Variants in ODR4 observed in about 807,000 individuals in gnomAD.
ODR4 encodes odr-4 GPCR localization factor homolog.
A neutral mutation model predicts 60.2 loss-of-function variants in ODR4; 47 were observed. The observed-to-expected ratio is 0.78, with a 90% CI of 0.62 to 1.00. The LOEUF (loss-of-function observed/expected upper bound fraction) is 1.00. ODR4 is among the 50% of genes least tolerant of loss of function. ODR4 has a pLI of 0.00. For missense variants in ODR4, 488 were observed against 530.8 expected, an observed-to-expected ratio of 0.92 and a Z score of 0.79; for synonymous variants, 178 against 175.5, an observed-to-expected ratio of 1.01 and a Z score of -0.11.
At chr1:186,433,227 A>G in the ODR4 span, among the ~76,000 whole-genome samples, 2 of 152,072 alleles carry the variant, frequency 1.3e-5, no homozygotes, top group Non-Finnish European at 2.9e-5. Flanking sequence ...TTGGAAACTC[A>G]GGCCATTTGT....
chr1:186,421,482 A>T (rs969251624), downstream of ODR4: 14 of 152,174 alleles, frequency 9.2e-5, no homozygotes, highest in Non-Finnish European at 1.8e-4. Context: ...TTTATTCAGA[A>T]AACTGGTTAA....
At chr1:186,386,663 G>A (rs552018809) in intron 4 of ODR4, among the ~76,000 whole-genome samples, 1 of 152,160 alleles carries the variant, frequency 6.6e-6, no homozygotes, top group South Asian at 2.1e-4. Flanking sequence ...TGACTATTAG[G>A]AAACAAATTA....
Position 186,405,788 on chromosome 1 carries a change from G to A in ODR4, c.1001-295G>A, listed in dbSNP as rs948902412. The stretch of plus-strand genomic sequence containing the variant: ...GTTGGTCTCCAACTCCTGACCTCAA[G>A]TGATCTGCCCACCTCAGCCTCCCAA... On this transcript the variant is annotated intron_variant, in intron 11 of 13. Coordinates refer to ENST00000287859, the MANE Select transcript of ODR4 (RefSeq NM_017847.6). Among the ~76,000 whole-genome samples the A allele has an allele frequency of 2.6e-5, 4 of 152,106 alleles. 1 individual carries two copies. The highest frequency in any genetic ancestry group is 2.6e-4 in the Admixed American group (4 of 15,274).
chr1:186,428,970 A>G, the ODR4 span, among the ~76,000 whole-genome samples: 14 of 152,084 alleles, frequency 9.2e-5, no homozygotes, highest in Non-Finnish European at 1.9e-4. Context: ...AAGGCTGGGC[A>G]TGGTGGCTCA....
In ODR4 at chr1:186,386,037, T is replaced by C. The variant is rs942959169; in HGVS notation, c.284T>C (p.Ile95Thr). The C allele has an allele frequency of 3.1e-6, 5 of 1,606,076 alleles. No homozygotes were observed. The highest frequency in any genetic ancestry group is 1.7e-4 in the Middle Eastern group (1 of 6,028). ...CTTTTAGTTCTTGGAGTATTTATTA[T>C]TACTACTTTAGAACTGGCAAATGAT... is the stretch of plus-strand genomic sequence containing the variant. ...GGLLVLGVFI[I>T]TTLELANDFQ... Residue 95 changes from isoleucine to threonine, a missense_variant, in exon 4 of 14, where the codon ATT becomes ACT. Ile to Thr is a moderately conservative substitution (Grantham distance 89, BLOSUM62 -1). Coordinates refer to ENST00000287859, the MANE Select transcript of ODR4 (RefSeq NM_017847.6).
intron 2 of ODR4, among the ~76,000 whole-genome samples, chr1:186,382,759 T>A (rs1440524017): frequency 1.3e-5 from 2 of 152,224 alleles, no homozygotes; most frequent in African/African-American, 4.8e-5. Flanking sequence ...ACTCCATGAT[T>A]TACATTTGAG....
chr1:186,414,502 T>C (rs1661485103), intron 12 of ODR4, among the ~76,000 whole-genome samples: 1 of 151,112 alleles, frequency 6.6e-6, no homozygotes, highest in South Asian at 2.1e-4. Context: ...TTGGCCCAAA[T>C]ATGGGGGAAA....
chr1:186,433,051 T>C, the ODR4 span, among the ~76,000 whole-genome samples: 1 of 152,160 alleles, frequency 6.6e-6, no homozygotes, highest in African/African-American at 2.4e-5. Flanking sequence ...CCCAAAGTGC[T>C]GGGATTACAG....
At chr1:186,409,645 A>G (rs888806654) in intron 12 of ODR4, among the ~76,000 whole-genome samples, 2 of 152,200 alleles carry the variant, frequency 1.3e-5, no homozygotes, top group African/African-American at 4.8e-5. Flanking sequence ...TCCCGGGTTC[A>G]AGCGATTCTC....
Position 186,406,280 on chromosome 1 carries a change from A to T in ODR4, c.1186+12A>T. 2 of 1,560,350 alleles carry T rather than the reference A, an allele frequency of 1.3e-6. No homozygotes were observed. Among genetic ancestry groups the T allele is most frequent in the Non-Finnish European group, 1.7e-6 (2 of 1,153,090 alleles). On this transcript the variant is annotated intron_variant, in intron 12 of 13. Transcript: ENST00000287859. Reference sequence around the variant, plus strand: ...GGAAACAAACACAGGTCATTATATGATGCTATTTAAGAACCTGGTTAGATT... The same window carrying T: ...GGAAACAAACACAGGTCATTATATGTTGCTATTTAAGAACCTGGTTAGATT...
intron 12 of ODR4, among the ~76,000 whole-genome samples, chr1:186,408,213 G>A (rs1285869422): frequency 6.6e-6 from 1 of 152,072 alleles, no homozygotes; most frequent in East Asian, 1.9e-4. Flanking sequence ...CGTAATGGTG[G>A]AGCTGGAATT....
At chr1:186,398,469 AAC>A (rs1305972972) in intron 10 of ODR4, 28 bp downstream of exon 10, 2 of 1,566,284 alleles carry the variant, frequency 1.3e-6, no homozygotes, top group African/African-American at 2.8e-5. Flanking sequence ...GAGCATATGG[AAC>A]CATGTTAACT....
the ODR4 span, among the ~76,000 whole-genome samples, chr1:186,428,157 C>G: frequency 1.3e-5 from 2 of 152,222 alleles, no homozygotes; most frequent in Non-Finnish European, 2.9e-5. Context: ...CTTCTCCTCT[C>G]TAGCTATGAA....
chr1:186,383,040 T>C lies in ODR4; in HGVS notation c.118T>C (p.Tyr40His). The change falls in exon 3 of 14, where the codon TAT (tyrosine) becomes CAT (histidine). Residue 40 changes from tyrosine (Y) to histidine (H), a missense_variant. Physicochemically the swap from Tyr to His is moderately conservative, Grantham distance 83 (BLOSUM62 2). Transcript: ENST00000287859. ...GTTGAAGTGTTCGTCACAAAAGGATTATGTGATTCTTGCCACTAGAACGCC... is the reference window on the plus strand; with the variant it reads ...GTTGAAGTGTTCGTCACAAAAGGATCATGTGATTCTTGCCACTAGAACGCC... ...LIGQCSSQKDYVILATRTPPK... is the reference protein window; with the variant it reads ...LIGQCSSQKDHVILATRTPPK... The C allele has an allele frequency of 6.3e-7, 1 of 1,584,606 alleles. No individual in the cohort carries two copies. Among genetic ancestry groups the C allele is most frequent in the Non-Finnish European group, 8.6e-7 (1 of 1,164,380 alleles).
chr1:186,377,012 C>T lies in ODR4; in HGVS notation c.-20+1038C>T, dbSNP rs181305311. ...CAAAATACAGTTGTCCCTTGGTATC[C>T]GTGGGGCATTGGTTCCAGGACCCTC... On this transcript the variant is annotated intron_variant, in intron 1 of 13. Transcript: ENST00000287859. Among the ~76,000 whole-genome samples, 391 of 152,246 alleles carry T rather than the reference C, an allele frequency of 2.6e-3. 2 individuals carry two copies. The highest frequency in any genetic ancestry group is 4.2e-3 in the Admixed American group (64 of 15,288).
At chr1:186,415,695 C>T (rs913216286) in intron 12 of ODR4, among the ~76,000 whole-genome samples, 1 of 152,012 alleles carries the variant, frequency 6.6e-6, no homozygotes, top group Non-Finnish European at 1.5e-5. Flanking sequence ...ATTCTTCAGT[C>T]CTAGGGGAAA....
chr1:186,380,549 G>A (rs1659984277), intron 2 of ODR4, among the ~76,000 whole-genome samples: 1 of 150,184 alleles, frequency 6.7e-6, no homozygotes, highest in Non-Finnish European at 1.5e-5. Flanking sequence ...TTAATCGGCA[G>A]GAGGGACCGG....
Position 186,418,991 on chromosome 1 carries a change from T to G in ODR4, c.1298-18T>G. 6.3e-7 allele frequency: 1 copy of G among 1,593,622 alleles called. No individual in the cohort carries two copies. The highest frequency in any genetic ancestry group is 8.6e-7 in the Non-Finnish European group (1 of 1,168,730). The stretch of plus-strand genomic sequence containing the variant: ...GCTCATTCCATTTTCATTTGTTCTG[T>G]GTTTGTTTTACTTTTAGGTGTGATT... On this transcript the variant is annotated intron_variant, in intron 13 of 13. Transcript: ENST00000287859.
In ODR4 at chr1:186,417,261, C is replaced by G. The variant is rs142043158; in HGVS notation, c.1187-283C>G. 2,760 of 298,576 alleles carry G rather than the reference C, an allele frequency of 9.2e-3. 80 individuals are homozygous for G. Among genetic ancestry groups the G allele is most frequent in the African/African-American group, 0.059 (2,548 of 43,516 alleles). The allele number at this position is 298,576 out of a possible 1,614,324, so 18.5% of individuals were successfully genotyped here. A position where few individuals can be genotyped will look rare whatever the true frequency, so the allele number is the denominator to read the frequency against. On this transcript the variant is annotated intron_variant, in intron 12 of 13. Coordinates refer to ENST00000287859, the MANE Select transcript of ODR4 (RefSeq NM_017847.6). ...TACAGGCGTCAGCCACCATGCCTGG[C>G]CAACAAATCACAATTTTTGAAAGTC...
Sources: gnomAD v4.1 joint callset for allele counts (sites outside exome capture counted in the v4.1 genomes callset) on GRCh38, gnomAD v4.1.1 for gene constraint, MANE v1.5 for transcripts, NCBI Gene and HGNC (gene_info 2026-07-23, HGNC 2026-07-21) for gene names.